The following CDH23 variants were observed in gnomAD, a reference collection of about 807,000 sequenced individuals.
CDH23 encodes cadherin related 23.
In CDH23, 189 loss-of-function variants were observed where a neutral mutation model predicts 317.1. That is an observed-to-expected ratio of 0.60 (90% confidence interval 0.53 to 0.67). The LOEUF (loss-of-function observed/expected upper bound fraction) is 0.67, where lower values mean the gene tolerates loss of function less well. CDH23 is among the 30% of genes least tolerant of loss of function. The pLI is 0.00. For synonymous variants in CDH23, 1,839 were observed against 1,876.8 expected, an observed-to-expected ratio of 0.98 and a Z score of 0.52; for missense variants, 4,401 against 4,592.4, an observed-to-expected ratio of 0.96 and a Z score of 1.20.
At position 71,645,916 on chromosome 10, in the gene CDH23, C is replaced by T. The variant is rs761319618; in HGVS notation, c.1226C>T (p.Ala409Val). The stretch of plus-strand genomic sequence containing the variant: ...TCCCCGACCTCCGTCCAGGGGAAGG[C>T]GGACATTCGTATTCGGGTGGCCATC... ...IISPTSVQGK[A>V]DIRIRVAIPL... is the part of the protein sequence containing the mutation. The change falls in exon 13 of 70, where the codon GCG becomes GTG. Residue 409 changes from alanine (A) to valine (V), a missense_variant. Around this residue, in one of 3 missense-constraint regions of CDH23, gnomAD observed 3,068 missense variants for 3,203.3 expected, o/e 0.96. Coordinates refer to ENST00000224721, the MANE Select transcript of CDH23 (RefSeq NM_022124.6). 27 of 1,613,468 alleles carry T rather than the reference C, an allele frequency of 1.7e-5. No homozygotes were observed. Among genetic ancestry groups the T allele is most frequent in the Non-Finnish European group, 1.9e-5 (22 of 1,179,712 alleles).
chr10:71,755,170 C>G (rs1156754965), intron 38 of CDH23: 2 of 686,692 alleles, frequency 2.9e-6, no homozygotes, highest in East Asian at 5.7e-5. Context: ...ACTTGGCCCC[C>G]GGAAATGGCA....
At chr10:71,814,737 G>C (rs969225941) in intron 69 of CDH23, among the ~76,000 whole-genome samples, 2 of 138,434 alleles carry the variant, frequency 1.4e-5, no homozygotes, top group Admixed American at 7.1e-5. Flanking sequence ...CACACACACA[G>C]ATTTTCACAA....
At chr10:71,679,622 G>T (rs1864529206) in intron 17 of CDH23, 130 bp downstream of exon 17, 2 of 738,016 alleles carry the variant, frequency 2.7e-6, no homozygotes, top group Non-Finnish European at 4.6e-6. Flanking sequence ...TCAGGAAGCT[G>T]CCCGGAGCAC....
chr10:71,640,208 T>A (rs946471366), intron 11 of CDH23, among the ~76,000 whole-genome samples: 1 of 152,130 alleles, frequency 6.6e-6, no homozygotes, highest in Admixed American at 6.5e-5. Flanking sequence ...ATCTTTGAGC[T>A]CAAAATCACT....
At chr10:71,506,972 C>T (rs1202599631) in intron 3 of CDH23, among the ~76,000 whole-genome samples, 1 of 152,194 alleles carries the variant, frequency 6.6e-6, no homozygotes, top group Non-Finnish European at 1.5e-5. Context: ...TCCTGCCCAG[C>T]GCCCCCCTTC....
rs727504694 is a variant in CDH23 at position 71,797,109 on chromosome 10, G to A, written c.6718G>A (p.Val2240Ile). The change falls in exon 49 of 70, where the codon GTA becomes ATA. Residue 2240 changes from valine (V) to isoleucine (I), a missense_variant. Physicochemically the swap from Val to Ile is conservative, Grantham distance 29. Around this residue, in one of 3 missense-constraint regions of CDH23, gnomAD observed 3,068 missense variants for 3,203.3 expected, o/e 0.96. Coordinates refer to ENST00000224721, the MANE Select transcript of CDH23 (RefSeq NM_022124.6). ...TGGCCTGGTCTGGTCCACAGGATCT[G>A]TAATGGTGAAGTCCCCCATGAATCG... is the stretch of plus-strand genomic sequence containing the variant. ...AFAVNINTGSVMVKSPMNREL... is the reference protein window; with the variant it reads ...AFAVNINTGSIMVKSPMNREL... The A allele has an allele frequency of 6.2e-6, 10 of 1,609,626 alleles. No homozygotes were observed. The South Asian group carries it at 1.1e-4, about 18-fold the overall frequency.
rs114301705 is a variant in CDH23 at position 71,519,209 on chromosome 10, C to A, written c.429+7997C>A. Among the ~76,000 whole-genome samples, 807 of 152,300 alleles carry A rather than the reference C, an allele frequency of 5.3e-3. 10 individuals carry two copies. The highest frequency in any genetic ancestry group is 0.018 in the African/African-American group (766 of 41,562). On this transcript the variant is annotated intron_variant, in intron 6 of 69. Coordinates refer to ENST00000224721, the MANE Select transcript of CDH23 (RefSeq NM_022124.6). ...CTCTCAAGCATTAGGGATTCTACGGCACTCACCGGAACACCTTTTATTGTG... is the reference window on the plus strand; with the variant it reads ...CTCTCAAGCATTAGGGATTCTACGGAACTCACCGGAACACCTTTTATTGTG...
chr10:71,474,844 G>C (rs1327846550), intron 3 of CDH23, among the ~76,000 whole-genome samples: 1 of 152,334 alleles, frequency 6.6e-6, no homozygotes, highest in South Asian at 2.1e-4. Context: ...AGCCCCCAGC[G>C]CATGCCAAGT....
chr10:71,518,807 A>G (rs1363472443), intron 6 of CDH23, among the ~76,000 whole-genome samples: 1 of 152,116 alleles, frequency 6.6e-6, no homozygotes, highest in Admixed American at 6.5e-5. Flanking sequence ...GTCCCACAAA[A>G]CCAGGGCCCT....
In CDH23 at chr10:71,732,035, A is replaced by T. The variant is rs372158876; in HGVS notation, c.3764A>T (p.Lys1255Met). 333 of 1,613,998 alleles carry T rather than the reference A, an allele frequency of 2.1e-4. 1 individual carries two copies. Among genetic ancestry groups the T allele is most frequent in the South Asian group, 1.4e-3 (127 of 91,082 alleles). Residue 1255 changes from lysine (K) to methionine (M), a missense_variant, in exon 32 of 70, where the codon AAG becomes ATG. Lys to Met is a moderately conservative substitution (Grantham distance 95). Transcript: ENST00000224721. ...CGCATCCTGTCGGGCGCAGAGGGGA[A>T]GTTTGAGATTGACGAGAGCACAGGG... ...NYRILSGAEGKFEIDESTGLI... is the reference protein window; with the variant it reads ...NYRILSGAEGMFEIDESTGLI...
At chr10:71,748,524 A>G (rs967219255) in intron 38 of CDH23, 4 of 152,274 alleles carry the variant, frequency 2.6e-5, no homozygotes, top group African/African-American at 9.6e-5. Flanking sequence ...TAAAGGCAGG[A>G]AGTCTCTATT....
chr10:71,494,456 T>C (rs1852841938), intron 3 of CDH23, among the ~76,000 whole-genome samples: 1 of 152,194 alleles, frequency 6.6e-6, no homozygotes, highest in African/African-American at 2.4e-5. Flanking sequence ...AAATCCTGGC[T>C]CTACCTCTTC....
At chr10:71,657,955 G>A (rs916453830) in intron 14 of CDH23, among the ~76,000 whole-genome samples, 1 of 152,154 alleles carries the variant, frequency 6.6e-6, no homozygotes, top group African/African-American at 2.4e-5. Context: ...AAAATAGTAG[G>A]TCATTCCAGC....
At chr10:71,744,199 G>A (rs759673455) in intron 38 of CDH23, among the ~76,000 whole-genome samples, 3 of 152,188 alleles carry the variant, frequency 2.0e-5, no homozygotes, top group Non-Finnish European at 2.9e-5. Flanking sequence ...CAGTGAGGAA[G>A]AAGTGGAGAA....
At chr10:71,667,395 T>C (rs1259000821) in intron 14 of CDH23, among the ~76,000 whole-genome samples, 35 of 138,680 alleles carry the variant, frequency 2.5e-4, no homozygotes, top group Admixed American at 9.0e-4. Context: ...TGTGTGTGTG[T>C]GCGCGTGTGT....
intron 17 of CDH23, among the ~76,000 whole-genome samples, chr10:71,681,836 G>A (rs1864666122): frequency 6.6e-6 from 1 of 152,108 alleles, no homozygotes; most frequent in Admixed American, 6.6e-5. Context: ...AGAGAAATAG[G>A]GCTAGAGACC....
chr10:71,511,631 T>C (rs1853994952), intron 6 of CDH23: 2 of 295,522 alleles, frequency 6.8e-6, no homozygotes, highest in East Asian at 1.6e-4. Context: ...GAGCATGCAG[T>C]TCTAGGAAGG....
At chr10:71,451,878 G>A (rs1850462070) in intron 3 of CDH23, among the ~76,000 whole-genome samples, 1 of 152,224 alleles carries the variant, frequency 6.6e-6, no homozygotes, top group Non-Finnish European at 1.5e-5. Context: ...TTCCAAGGCA[G>A]GACCCGGGGG....
intron 3 of CDH23, among the ~76,000 whole-genome samples, chr10:71,459,285 G>A (rs372223367): frequency 8.6e-5 from 13 of 151,924 alleles, no homozygotes; most frequent in African/African-American, 2.7e-4. Flanking sequence ...GTAGAGATGG[G>A]GGTCTCCCTG....
Sources: gnomAD v4.1 joint callset for allele counts (sites outside exome capture counted in the v4.1 genomes callset) on GRCh38, gnomAD v4.1.1 for gene constraint, gnomAD v4.1.1 regional missense constraint, MANE v1.5 for transcripts, NCBI Gene and HGNC (gene_info 2026-07-23, HGNC 2026-07-21) for gene names.